LRMDA: variants seen among roughly 807,000 people sequenced by gnomAD.
The protein encoded by LRMDA is leucine rich melanocyte differentiation associated.
Under a neutral mutation model 29.8 loss-of-function variants are expected in LRMDA, and 18 were observed. That is an observed-to-expected ratio of 0.60 (90% CI 0.42 to 0.90). The LOEUF (loss-of-function observed/expected upper bound fraction) is 0.90. Among genes scored for constraint, LRMDA ranks in the 40% least tolerant of loss-of-function variants. The pLI, the probability that LRMDA is intolerant of heterozygous loss-of-function variation, is 0.00. For synonymous variants in LRMDA, 125 were observed against 109.4 expected, an observed-to-expected ratio of 1.14 and a Z score of -0.89; for missense variants, 273 against 273.9, an observed-to-expected ratio of 1.00 and a Z score of 0.02.
intron 2 of LRMDA, among the ~76,000 whole-genome samples, chr10:75,708,432 TC>T (rs1037976407): frequency 6.6e-6 from 1 of 152,216 alleles, no homozygotes; most frequent in African/African-American, 2.4e-5. Context: ...TCCACCATTT[TC>T]CGGGTTTGTG....
intron 2 of LRMDA, among the ~76,000 whole-genome samples, chr10:75,761,594 G>T (rs1048390110): frequency 2.6e-5 from 4 of 152,062 alleles, no homozygotes; most frequent in African/African-American, 9.7e-5. Flanking sequence ...TGATGAAAAA[G>T]TTCTGGAAAT....
chr10:75,727,885 C>T (rs1324935658), intron 2 of LRMDA, among the ~76,000 whole-genome samples: 3 of 152,146 alleles, frequency 2.0e-5, no homozygotes, highest in Non-Finnish European at 2.9e-5. Flanking sequence ...GGCTTTGTTT[C>T]CTGAAGTTAC....
chr10:76,389,027 A>T (rs558990695), intron 6 of LRMDA, among the ~76,000 whole-genome samples: 1 of 152,290 alleles, frequency 6.6e-6, no homozygotes, highest in East Asian at 1.9e-4. Flanking sequence ...CAGGACAGGG[A>T]GCAGGGAGTA....
chr10:75,435,992 G>A (rs564497935), intron 1 of LRMDA, among the ~76,000 whole-genome samples: 18 of 150,022 alleles, frequency 1.2e-4, no homozygotes, highest in African/African-American at 3.2e-4. Context: ...AGGCTGAGGC[G>A]AGGGGATTGT....
chr10:76,000,737 C>T (rs1847549221), intron 2 of LRMDA, among the ~76,000 whole-genome samples: 2 of 152,120 alleles, frequency 1.3e-5, no homozygotes, highest in South Asian at 4.2e-4. Context: ...CATGTGACCC[C>T]AGGATGTGTT....
intron 2 of LRMDA, among the ~76,000 whole-genome samples, chr10:75,776,955 G>T (rs1843319906): frequency 6.6e-6 from 1 of 152,212 alleles, no homozygotes; most frequent in Admixed American, 6.5e-5. Context: ...GTCAAATATT[G>T]CTCATTCTGA....
At chr10:75,960,183 T>A (rs1213886323) in intron 2 of LRMDA, among the ~76,000 whole-genome samples, 3 of 152,216 alleles carry the variant, frequency 2.0e-5, no homozygotes, top group Non-Finnish European at 2.9e-5. Flanking sequence ...AGCTGGATAT[T>A]GGGAGGAAAT....
intron 6 of LRMDA, among the ~76,000 whole-genome samples, chr10:76,507,622 G>A (rs773111718): frequency 3.3e-5 from 5 of 151,986 alleles, no homozygotes; most frequent in Non-Finnish European, 5.9e-5. Flanking sequence ...TAGTTTCATA[G>A]TTTTGGTTCT....
In LRMDA at chr10:76,187,957, T is replaced by G. The variant is rs116615748; in HGVS notation, c.516+129174T>G. On this transcript the variant is annotated intron_variant, in intron 5 of 6. Transcript: ENST00000611255. ...TTCCCAGGCACCTAGGCTGATTCAT[T>G]GCAGCATTAGGAGTGGTTAATGGCA... Among the ~76,000 whole-genome samples, 1,322 of 152,312 alleles carry G rather than the reference T, an allele frequency of 8.7e-3. 22 individuals are homozygous for G. Among genetic ancestry groups the G allele is most frequent in the African/African-American group, 0.03 (1,253 of 41,574 alleles).
intron 2 of LRMDA, among the ~76,000 whole-genome samples, chr10:75,872,286 TTC>T (rs918715416): frequency 1.5e-4 from 22 of 151,598 alleles, no homozygotes; most frequent in African/African-American, 5.1e-4. Context: ...ATTCGTTCTA[TTC>T]TCTCTCTCTC....
At chr10:76,510,139 C>G (rs765781087) in intron 6 of LRMDA, among the ~76,000 whole-genome samples, 1 of 152,048 alleles carries the variant, frequency 6.6e-6, no homozygotes, top group Non-Finnish European at 1.5e-5. Context: ...GGCACGATCT[C>G]GGCTCACTGC....
At chr10:75,901,010 G>T (rs1403242633) in intron 2 of LRMDA, among the ~76,000 whole-genome samples, 1 of 152,166 alleles carries the variant, frequency 6.6e-6, no homozygotes, top group Non-Finnish European at 1.5e-5. Flanking sequence ...CCCCTACGTA[G>T]AGCCAGCTTA....
chr10:76,287,824 C>A (rs1213716053), intron 5 of LRMDA, among the ~76,000 whole-genome samples: 1 of 152,104 alleles, frequency 6.6e-6, no homozygotes, highest in Non-Finnish European at 1.5e-5. Flanking sequence ...CACACCAGGC[C>A]CTTCAGATCT....
At chr10:76,299,156 C>CGTGTGTGTGTGTGTGT (rs111635114) in intron 5 of LRMDA, among the ~76,000 whole-genome samples, 47 of 147,314 alleles carry the variant, frequency 3.2e-4, no homozygotes, top group African/African-American at 6.0e-4. Context: ...AGAGAAGAGC[C>CGTGTGTGTGTGTGTGT]GTGTGTGTGT....
intron 2 of LRMDA, among the ~76,000 whole-genome samples, chr10:75,439,402 C>G (rs1385972014): frequency 2.6e-5 from 4 of 152,222 alleles, no homozygotes; most frequent in African/African-American, 9.6e-5. Context: ...GGCCCAAGCA[C>G]TTTCCTGCTT....
chr10:75,619,035 G>A (rs148435643), intron 2 of LRMDA, among the ~76,000 whole-genome samples: 1 of 152,182 alleles, frequency 6.6e-6, no homozygotes, highest in Admixed American at 6.5e-5. Flanking sequence ...CTGACCTCGT[G>A]ATCTGCCCAC....
chr10:76,063,617 G>A (rs1215057592), intron 5 of LRMDA, among the ~76,000 whole-genome samples: 1 of 151,886 alleles, frequency 6.6e-6, no homozygotes, highest in East Asian at 1.9e-4. Context: ...GGAAGGAGAG[G>A]GAGGGAGATG....
intron 2 of LRMDA, among the ~76,000 whole-genome samples, chr10:75,618,376 CTCTCTCTATATA>C (rs58909862): frequency 0.068 from 4,710 of 69,062 alleles, 141 homozygotes; most frequent in East Asian, 0.29. Context: ...CTCTCTCTCT[CTCTCTCTATATA>C]TATATATATA....
At chr10:76,249,686 A>G (rs1439438579) in intron 5 of LRMDA, among the ~76,000 whole-genome samples, 2 of 152,192 alleles carry the variant, frequency 1.3e-5, no homozygotes, top group Non-Finnish European at 2.9e-5. Flanking sequence ...ATCACTTAAT[A>G]TTTTTTAATA....
Sources: gnomAD v4.1 joint callset for allele counts (sites outside exome capture counted in the v4.1 genomes callset) on GRCh38, gnomAD v4.1.1 for gene constraint, MANE v1.5 for transcripts, NCBI Gene and HGNC (gene_info 2026-07-23, HGNC 2026-07-21) for gene names.